The following APC2 variants were observed in gnomAD, a reference collection of about 807,000 sequenced individuals.
APC2 encodes APC regulator of Wnt signaling pathway 2, also known as adenomatous polyposis coli protein 2.
In APC2, 41 loss-of-function variants were observed where a neutral mutation model predicts 72.5. The ratio of observed to expected loss-of-function variants is 0.57; its 90% CI spans 0.44 to 0.73. The LOEUF (loss-of-function observed/expected upper bound fraction) is 0.73, where lower values mean the gene tolerates loss of function less well. Ranked by LOEUF, APC2 falls within the 30% of genes least tolerant of loss-of-function variation. The probability of loss-of-function intolerance (pLI) is 0.00; values close to 1 mark genes in which losing one functional copy is unlikely to be tolerated. For missense variants in APC2, 3,729 were observed against 3,403.4 expected, an observed-to-expected ratio of 1.10 and a Z score of -2.38; for synonymous variants, 1,898 against 1,612.0, an observed-to-expected ratio of 1.18 and a Z score of -4.25.
At chr19:1,448,198 C>A (rs2083703805), upstream of APC2, among the ~76,000 whole-genome samples, 2 of 152,130 alleles carry the variant, frequency 1.3e-5, no homozygotes, top group Non-Finnish European at 2.9e-5. Flanking sequence ...CTCCACCAGA[C>A]ACCCCCTGTG....
At chr19:1,462,311 G>A (rs547503189) in intron 14 of APC2, 134 bp downstream of exon 14, 7 of 805,078 alleles carry the variant, frequency 8.7e-6, no homozygotes, top group African/African-American at 6.9e-5. Flanking sequence ...GCATAAATAC[G>A]TCCCAAATAC....
At position 1,467,808 on chromosome 19, in the gene APC2, G is replaced by T; in HGVS notation, c.4507G>T (p.Glu1503Ter). 1 of 1,477,536 alleles carries T rather than the reference G, an allele frequency of 6.8e-7. No individual in the cohort carries two copies. Among genetic ancestry groups the T allele is most frequent in the Non-Finnish European group, 8.9e-7 (1 of 1,119,316 alleles). 91.5% of individuals were successfully genotyped at this position (1,477,536 alleles called of 1,614,324 possible). ...GTCGCTGTGCCTCACGACGCCCACTGAGGAGGCCGTGTACTGCTTCTACGG... is the reference window on the plus strand; with the variant it reads ...GTCGCTGTGCCTCACGACGCCCACTTAGGAGGCCGTGTACTGCTTCTACGG... ...LQSLCLTTPT[E>*]EAVYCFYGND... The change falls in exon 15 of 15, where the codon GAG becomes TAG. Residue 1503 changes from glutamate to a stop codon, truncating the protein, a stop_gained. Transcript: ENST00000590469. LOFTEE classifies it low-confidence loss of function (END_TRUNC).
chr19:1,457,364 T>G, intron 9 of APC2, 121 bp downstream of exon 9: 1 of 1,360,964 alleles, frequency 7.3e-7, no homozygotes, highest in Non-Finnish European at 9.6e-7. Context: ...GAGGCTGCAG[T>G]ACCAGGCTCC....
chr19:1,461,949 C>A lies in APC2; in HGVS notation c.1639-14C>A. Reference sequence around the variant, plus strand: ...CTCAGGCCCTGACCCGCCCCTCTCCCGCCCCTCGTCCAGGAGTCCACCCTG... The same window carrying A: ...CTCAGGCCCTGACCCGCCCCTCTCCAGCCCCTCGTCCAGGAGTCCACCCTG... On this transcript the variant is annotated splice_polypyrimidine_tract_variant and intron_variant, in intron 13 of 14. Coordinates refer to ENST00000590469, the MANE Select transcript of APC2 (RefSeq NM_005883.3). 6.3e-7 allele frequency: 1 copy of A among 1,597,400 alleles called. No homozygotes were observed. Among genetic ancestry groups the A allele is most frequent in the Non-Finnish European group, 8.6e-7 (1 of 1,167,586 alleles).
At position 1,461,871 on chromosome 19, in the gene APC2, C is replaced by CA. The variant is rs756350011; in HGVS notation, c.1639-85dup. The stretch of plus-strand genomic sequence containing the variant: ...CGTCTCAAAAAAAAAAAACAAAAAA[C>CA]AAAAAAACCCAACTTCACTGAATGT... On this transcript the variant is annotated intron_variant, in intron 13 of 14. Transcript: ENST00000590469. 3.6e-6 allele frequency: 4 copies of CA among 1,114,936 alleles called. No individual in the cohort carries two copies. The African/African-American group carries it at 4.9e-5, about 14-fold the overall frequency. 69.1% of individuals were successfully genotyped at this position (1,114,936 alleles called of 1,614,324 possible).
Position 1,466,911 on chromosome 19 carries a change from C to G in APC2, c.3610C>G (p.Gln1204Glu), listed in dbSNP as rs1452078329. ...TAGCGAGCTGCCCGACAGCCCCGGA[C>G]AGACCATGCCTCCCAGCCGGAGCAA... is the stretch of plus-strand genomic sequence containing the variant. Reference protein sequence around the residue: ...SPSELPDSPGQTMPPSRSKTP... With the variant: ...SPSELPDSPGETMPPSRSKTP... The change falls in exon 15 of 15, where the codon CAG becomes GAG. Residue 1204 changes from glutamine to glutamate, a missense_variant. Transcript: ENST00000590469. 3 of 1,587,528 alleles carry G rather than the reference C, an allele frequency of 1.9e-6. No individual in the cohort carries two copies. Among genetic ancestry groups the G allele is most frequent in the East Asian group, 4.6e-5 (2 of 43,794 alleles).
In APC2 at chr19:1,470,636, A is replaced by G. The variant is rs568788463; in HGVS notation, c.*423A>G. 1.2e-5 allele frequency: 2 copies of G among 168,114 alleles called. 1 individual carries two copies. The highest frequency in any genetic ancestry group is 3.8e-4 in the South Asian group (2 of 5,318). The allele number at this position is 168,114 out of a possible 1,614,324, so 10.4% of individuals were successfully genotyped here. On this transcript the variant is annotated 3_prime_UTR_variant, in exon 15 of 15. Coordinates refer to ENST00000590469, the MANE Select transcript of APC2 (RefSeq NM_005883.3). ...GACGGCGCCCGCCGCAGGTGGGGCG[A>G]GGCTGGGGGAGGGCGGCGCCGCGGC...
chr19:1,470,621 G>C lies in APC2; in HGVS notation c.*408G>C, dbSNP rs1319440746. ...CAGCGCTGGGGAGGTGACGGCGCCCGCCGCAGGTGGGGCGAGGCTGGGGGA... is the reference window on the plus strand; with the variant it reads ...CAGCGCTGGGGAGGTGACGGCGCCCCCCGCAGGTGGGGCGAGGCTGGGGGA... On this transcript the variant is annotated 3_prime_UTR_variant, in exon 15 of 15. Coordinates refer to ENST00000590469, the MANE Select transcript of APC2 (RefSeq NM_005883.3). 5.8e-6 allele frequency: 1 copy of C among 172,320 alleles called. No individual in the cohort carries two copies. The highest frequency in any genetic ancestry group is 2.4e-5 in the African/African-American group (1 of 42,318). 10.7% of individuals were successfully genotyped at this position (172,320 alleles called of 1,614,324 possible).
At chr19:1,446,372 G>A, upstream of APC2, 2 of 985,286 alleles carry the variant, frequency 2.0e-6, no homozygotes, top group Non-Finnish European at 2.4e-6. The surrounding 1 kb of genome is among the most constrained non-coding windows in gnomAD (Gnocchi z 6.1). Context: ...CGTTGGGGAG[G>A]GCTCCGGGCC....
At position 1,460,800 on chromosome 19, in the gene APC2, C is replaced by T. The variant is rs149237523; in HGVS notation, c.1464C>T (p.Arg488=). The change falls in exon 12 of 15, where the codon CGC becomes CGT. Residue 488 remains arginine (R), a synonymous_variant. Coordinates refer to ENST00000590469, the MANE Select transcript of APC2 (RefSeq NM_005883.3). ...VANKATLCAR[R]GCMEAIVAQL... ...AACAGGCCACCCTGTGTGCGCGCCG[C>T]GGCTGCATGGAGGCCATCGTGGCCC... 3.3e-5 allele frequency: 53 copies of T among 1,613,054 alleles called. No individual in the cohort carries two copies. The highest frequency in any genetic ancestry group is 2.3e-4 in the African/African-American group (17 of 74,944).
At chr19:1,457,340 G>T in intron 9 of APC2, 97 bp downstream of exon 9, 1 of 1,426,524 alleles carries the variant, frequency 7.0e-7, no homozygotes, top group Non-Finnish European at 9.1e-7. Context: ...TTTGCTGCCT[G>T]CCTTCTGGCG....
In APC2 at chr19:1,469,491, G is replaced by T. The variant is rs1430233928; in HGVS notation, c.6190G>T (p.Ala2064Ser). The change falls in exon 15 of 15, where the codon GCC (alanine) becomes TCC (serine). Residue 2064 changes from alanine to serine, a missense_variant. Coordinates refer to ENST00000590469, the MANE Select transcript of APC2 (RefSeq NM_005883.3). ...PAPARQRPPA[A>S]RPSPGERPAR... ...CCCGGCCCGGCAGCGGCCCCCCGCG[G>T]CCCGACCCAGCCCTGGCGAGCGCCC... is the stretch of plus-strand genomic sequence containing the variant. The T allele has an allele frequency of 9.1e-7, 1 of 1,103,666 alleles. No homozygotes were observed. Among genetic ancestry groups the T allele is most frequent in the African/African-American group, 1.7e-5 (1 of 59,276 alleles). 68.4% of individuals were successfully genotyped at this position (1,103,666 alleles called of 1,614,324 possible).
intron 8 of APC2, 67 bp from the exon 9 acceptor site, chr19:1,456,786 C>G: frequency 6.5e-7 from 1 of 1,530,110 alleles, no homozygotes; most frequent in Non-Finnish European, 8.7e-7. Context: ...TCACAGGGCT[C>G]CGACCGGGTT....
In APC2 at chr19:1,466,755, G is replaced by C; in HGVS notation, c.3454G>C (p.Val1152Leu). ...GCCGTCCAGCTCGTCGGAGAACTAC[G>C]TGCAGGAGACACCGCTTGTGCTGAG... is the stretch of plus-strand genomic sequence containing the variant. ...ATPSSSSENY[V>L]QETPLVLSRC... is the part of the protein sequence containing the mutation. The change falls in exon 15 of 15, where the codon GTG becomes CTG. Residue 1152 changes from valine (V) to leucine (L), a missense_variant. Transcript: ENST00000590469. 6.5e-7 allele frequency: 1 copy of C among 1,549,930 alleles called. No individual in the cohort carries two copies. The highest frequency in any genetic ancestry group is 8.7e-7 in the Non-Finnish European group (1 of 1,147,778).
chr19:1,457,877 C>G, intron 9 of APC2, 88 bp from the exon 10 acceptor site: 5 of 1,060,078 alleles, frequency 4.7e-6, no homozygotes, highest in Admixed American at 2.5e-5. Flanking sequence ...ATCCTTCAGG[C>G]CTGGGGCGGG....
At chr19:1,446,976 C>T (rs145720361), upstream of APC2, among the ~76,000 whole-genome samples, 1,350 of 152,228 alleles carry the variant, frequency 8.9e-3, 22 homozygotes, top group African/African-American at 0.03. The surrounding 1 kb of genome is among the most constrained non-coding windows in gnomAD (Gnocchi z 6.1). Flanking sequence ...AGCCTCGTTG[C>T]GGAGCTAAGG....
chr19:1,456,437 G>C (rs1227272419), intron 8 of APC2, 33 bp downstream of exon 8: 1 of 1,541,468 alleles, frequency 6.5e-7, no homozygotes, highest in Non-Finnish European at 8.7e-7. Context: ...GGCTGGCGCA[G>C]CTGTCTGGGC....
intron 3 of APC2, 40 bp downstream of exon 3, chr19:1,453,377 TG>T (rs747203494): frequency 3.1e-6 from 5 of 1,610,736 alleles, no homozygotes; most frequent in East Asian, 2.2e-5. Flanking sequence ...TGGGGGAGGC[TG>T]GGGGGAAAGG....
chr19:1,450,936 G>A (rs1296081664), intron 1 of APC2, among the ~76,000 whole-genome samples: 3 of 152,256 alleles, frequency 2.0e-5, no homozygotes, highest in African/African-American at 7.2e-5. Context: ...TGAGAGAAGA[G>A]AGCCTCCAGC....
Sources: allele counts gnomAD v4.1 joint callset (sites outside exome capture counted in the v4.1 genomes callset), GRCh38; gene constraint gnomAD v4.1.1; non-coding constraint Gnocchi (gnomAD v3.1); transcripts MANE v1.5; gene names NCBI Gene and HGNC (gene_info 2026-07-23, HGNC 2026-07-21).